The following MTUS2 variants were observed in gnomAD, a reference collection of about 807,000 sequenced individuals.
MTUS2 encodes microtubule-associated tumor suppressor candidate 2.
A neutral mutation model predicts 114.1 loss-of-function variants in MTUS2; 40 were observed. That is an observed-to-expected ratio of 0.35 (90% CI 0.27 to 0.46). MTUS2 has a LOEUF of 0.46. Among genes scored for constraint, MTUS2 ranks in the 20% least tolerant of loss-of-function variants. The probability of loss-of-function intolerance (pLI) is 1.00; values close to 1 mark genes in which losing one functional copy is unlikely to be tolerated. For missense variants in MTUS2, 1,679 were observed against 1,705.4 expected (o/e 0.98, Z 0.27); for synonymous variants, 688 against 672.0 (o/e 1.02, Z -0.37).
intron 3 of MTUS2, among the ~76,000 whole-genome samples, chr13:29,027,574 T>A (rs140967495): frequency 0.039 from 5,874 of 152,252 alleles, 167 homozygotes; most frequent in Non-Finnish European, 0.063. Flanking sequence ...GTTTTTGAGA[T>A]GAAGTCTCGC....
At chr13:29,374,479 A>C (rs79766464) in intron 8 of MTUS2, among the ~76,000 whole-genome samples, 25 of 152,366 alleles carry the variant, frequency 1.6e-4, no homozygotes, top group African/African-American at 6.0e-4. Context: ...GGGGAACAAC[A>C]ATTCAAATGA....
At chr13:29,490,985 ATGTGTGTGTGTGTG>A (rs71090259) in intron 11 of MTUS2, among the ~76,000 whole-genome samples, 1 of 148,246 alleles carries the variant, frequency 6.7e-6, no homozygotes, top group African/African-American at 2.5e-5. Context: ...AGAAGTGTGG[ATGTGTGTGTGTGTG>A]TGTGTGTGGT....
intron 2 of MTUS2, among the ~76,000 whole-genome samples, chr13:28,904,890 G>A (rs867006678): frequency 0.027 from 4,087 of 151,812 alleles, 199 homozygotes; most frequent in African/African-American, 0.091. Context: ...CCATGAGCAT[G>A]GAATGTTCTT....
chr13:29,033,856 C>T, intron 3 of MTUS2, 29 bp from the exon 4 acceptor site: 1 of 1,612,692 alleles, frequency 6.2e-7, no homozygotes, highest in Non-Finnish European at 8.5e-7. Flanking sequence ...GTGAAGGTCT[C>T]TGATTGAGTT....
intron 2 of MTUS2, among the ~76,000 whole-genome samples, chr13:28,930,570 A>G (rs1881562308): frequency 6.6e-6 from 1 of 150,656 alleles, no homozygotes; most frequent in South Asian, 2.1e-4. Context: ...CTCAGTGCAT[A>G]GGGCAGTGGT....
chr13:29,129,244 T>C (rs1420773485), intron 5 of MTUS2, among the ~76,000 whole-genome samples: 2 of 151,304 alleles, frequency 1.3e-5, no homozygotes, highest in African/African-American at 2.4e-5. Flanking sequence ...CAGAAAGGAC[T>C]GGCTGTCATT....
chr13:29,236,209 T>C lies in MTUS2; in HGVS notation c.2645-45495T>C, dbSNP rs148210059. Among the ~76,000 whole-genome samples, 6 of 152,316 alleles carry C rather than the reference T, an allele frequency of 3.9e-5. No individual in the cohort carries two copies. The East Asian group carries it at 1.2e-3, about 29-fold the overall frequency. ...TCATTCAATTGCCGGGGGCAATTCT[T>C]TGGATTCTTTATAGCGTCTTCTGTT... On this transcript the variant is annotated intron_variant, in intron 5 of 15. Transcript: ENST00000612955.
chr13:29,316,064 A>C (rs186149254), intron 6 of MTUS2, among the ~76,000 whole-genome samples: 1 of 152,254 alleles, frequency 6.6e-6, no homozygotes. Context: ...CCTGAGGGTA[A>C]AGGGGAAGAC....
intron 2 of MTUS2, among the ~76,000 whole-genome samples, chr13:28,994,482 C>T (rs1015636422): frequency 2.6e-5 from 4 of 152,212 alleles, no homozygotes. Context: ...GCCACACCGA[C>T]TTCCACATGG....
At chr13:28,862,957 T>G (rs1877083567) in intron 2 of MTUS2, among the ~76,000 whole-genome samples, 1 of 152,248 alleles carries the variant, frequency 6.6e-6, no homozygotes, top group South Asian at 2.1e-4. Context: ...AAATTTTTGT[T>G]GTTTTATATT....
chr13:29,091,975 T>G (rs951657608), intron 4 of MTUS2, among the ~76,000 whole-genome samples: 8 of 152,162 alleles, frequency 5.3e-5, no homozygotes, highest in African/African-American at 1.7e-4. Flanking sequence ...GGTCATTGTC[T>G]CAGCATCCTG....
chr13:29,180,853 T>G (rs1893971667), intron 5 of MTUS2, among the ~76,000 whole-genome samples: 1 of 152,230 alleles, frequency 6.6e-6, no homozygotes, highest in South Asian at 2.1e-4. Context: ...TGCCCCGTCT[T>G]CTGAAGCAAG....
At chr13:28,997,817 A>C (rs1315716913) in intron 2 of MTUS2, among the ~76,000 whole-genome samples, 3 of 152,096 alleles carry the variant, frequency 2.0e-5, no homozygotes, top group Non-Finnish European at 4.4e-5. Flanking sequence ...TGAATACAGC[A>C]CAATGATGGG....
Position 29,269,607 on chromosome 13 carries a change from G to C in MTUS2, c.2645-12097G>C, listed in dbSNP as rs77051932. On this transcript the variant is annotated intron_variant, in intron 5 of 15. Transcript: ENST00000612955. ...GAAATAGGAACCTTTGTATACTGTC[G>C]GTGAGCGTGTAAAATGGTGCAGCCA... is the stretch of plus-strand genomic sequence containing the variant. Among the ~76,000 whole-genome samples, 4 of 152,028 alleles carry C rather than the reference G, an allele frequency of 2.6e-5. 1 individual carries two copies. The highest frequency in any genetic ancestry group is 5.9e-5 in the Non-Finnish European group (4 of 68,002).
chr13:29,293,540 A>G (rs1285877787), intron 6 of MTUS2, among the ~76,000 whole-genome samples: 4 of 152,136 alleles, frequency 2.6e-5, no homozygotes, highest in Non-Finnish European at 5.9e-5. Context: ...GCCAATAACT[A>G]TGAAAATTTA....
intron 2 of MTUS2, among the ~76,000 whole-genome samples, chr13:28,992,210 A>G (rs902113737): frequency 1.3e-5 from 2 of 151,962 alleles, no homozygotes; most frequent in Non-Finnish European, 2.9e-5. Context: ...CTTAGCAGCA[A>G]CTCCTCCTCT....
chr13:29,482,883 C>T (rs1322123790), intron 10 of MTUS2, among the ~76,000 whole-genome samples: 2 of 152,232 alleles, frequency 1.3e-5, no homozygotes, highest in Non-Finnish European at 2.9e-5. Context: ...TGCTGCAGAA[C>T]GTTGGCTGTT....
chr13:28,848,055 C>CT (rs766867517), intron 2 of MTUS2, among the ~76,000 whole-genome samples: 8 of 152,192 alleles, frequency 5.3e-5, no homozygotes, highest in African/African-American at 1.4e-4. Context: ...GTCCCACACT[C>CT]TATGTTTTAT....
chr13:28,961,177 A>G (rs1883309129), intron 2 of MTUS2, among the ~76,000 whole-genome samples: 1 of 152,152 alleles, frequency 6.6e-6, no homozygotes, highest in East Asian at 1.9e-4. Context: ...AATCCTGGAA[A>G]ATGAGGAGAA....
Sources: gnomAD v4.1 joint callset for allele counts (sites outside exome capture counted in the v4.1 genomes callset) on GRCh38, gnomAD v4.1.1 for gene constraint, MANE v1.5 for transcripts, NCBI Gene and HGNC (gene_info 2026-07-23, HGNC 2026-07-21) for gene names.